PARN: variants seen among roughly 807,000 people sequenced by gnomAD.
PARN encodes poly(A)-specific ribonuclease PARN.
A neutral mutation model predicts 102.8 loss-of-function variants in PARN; 71 were observed. The observed-to-expected ratio is 0.69, with a 90% CI of 0.57 to 0.84. PARN has a LOEUF of 0.84. Among genes scored for constraint, PARN ranks in the 40% least tolerant of loss-of-function variants. The pLI is 0.00. For synonymous variants in PARN, 261 were observed against 252.9 expected (o/e 1.03, Z -0.30); for missense variants, 782 against 760.9 (o/e 1.03, Z -0.33).
At chr16:14,582,545 C>T (rs1969598302) in intron 16 of PARN, among the ~76,000 whole-genome samples, 2 of 152,044 alleles carry the variant, frequency 1.3e-5, no homozygotes, top group Non-Finnish European at 2.9e-5. Flanking sequence ...TTTCTCGTCC[C>T]ACACTGGTGG....
chr16:14,495,063 C>A (rs1964241572), intron 21 of PARN, among the ~76,000 whole-genome samples: 1 of 152,082 alleles, frequency 6.6e-6, no homozygotes, highest in African/African-American at 2.4e-5. Flanking sequence ...ACAGAAGCCT[C>A]CAGACTGAAC....
At chr16:14,588,595 A>G (rs1481631206) in intron 13 of PARN, among the ~76,000 whole-genome samples, 4 of 152,188 alleles carry the variant, frequency 2.6e-5, no homozygotes, top group Non-Finnish European at 5.9e-5. Context: ...AGATCAAAAA[A>G]GGCTGGGAGC....
At chr16:14,604,060 C>T in intron 11 of PARN, 86 bp downstream of exon 11, 1 of 838,552 alleles carries the variant, frequency 1.2e-6, no homozygotes, top group Non-Finnish European at 2.0e-6. Flanking sequence ...TAAATTGAAT[C>T]CAACATATGA....
At chr16:14,536,407 TTTAGTTTCTCAGTGGCCGA>T (rs1207760740) in intron 21 of PARN, among the ~76,000 whole-genome samples, 1 of 152,168 alleles carries the variant, frequency 6.6e-6, no homozygotes, top group Non-Finnish European at 1.5e-5. Flanking sequence ...GATCCTTATA[TTTAGTTTCTCAGTGGCCGA>T]AGAGCAAACT....
At chr16:14,618,126 G>A (rs887592262) in intron 5 of PARN, among the ~76,000 whole-genome samples, 1 of 152,066 alleles carries the variant, frequency 6.6e-6, no homozygotes, top group Non-Finnish European at 1.5e-5. Context: ...GTTCGAGACC[G>A]GCAGGTCAGA....
chr16:14,449,757 T>C (rs1567286002), intron 22 of PARN, among the ~76,000 whole-genome samples: 1 of 152,180 alleles, frequency 6.6e-6, no homozygotes, highest in Non-Finnish European at 1.5e-5. Context: ...CCATTCATAA[T>C]GCAAAATAAA....
At chr16:14,628,775 G>T (rs1334823708) in intron 2 of PARN, among the ~76,000 whole-genome samples, 1 of 152,134 alleles carries the variant, frequency 6.6e-6, no homozygotes, top group Non-Finnish European at 1.5e-5. Context: ...CCCCTGCATG[G>T]ATTCCTTCAT....
chr16:14,595,889 T>G (rs1828423979), intron 12 of PARN, among the ~76,000 whole-genome samples: 1 of 152,152 alleles, frequency 6.6e-6, no homozygotes, highest in African/African-American at 2.4e-5. Flanking sequence ...GGTCTTGAAC[T>G]ACTAGCCTGA....
At chr16:14,538,739 G>T (rs1246097295) in intron 21 of PARN, among the ~76,000 whole-genome samples, 1 of 152,170 alleles carries the variant, frequency 6.6e-6, no homozygotes, top group Non-Finnish European at 1.5e-5. Context: ...TCCCTGGCAT[G>T]TTAGGAACCA....
At chr16:14,483,628 T>A (rs1206042715) in intron 21 of PARN, among the ~76,000 whole-genome samples, 1 of 152,124 alleles carries the variant, frequency 6.6e-6, no homozygotes, top group African/African-American at 2.4e-5. Flanking sequence ...TCACGCAAAT[T>A]AAGATAAAGA....
At chr16:14,593,488 G>T in intron 12 of PARN, 110 bp from the exon 13 acceptor site, 8 of 54,058 alleles carry the variant, frequency 1.5e-4, no homozygotes, top group Admixed American at 3.2e-4. Context: ...TCGCTTTCCA[G>T]ACTTAAAAAA....
intron 21 of PARN, among the ~76,000 whole-genome samples, chr16:14,503,920 A>AC (rs1391308200): frequency 1.3e-5 from 2 of 152,200 alleles, no homozygotes; most frequent in Non-Finnish European, 1.5e-5. Context: ...CAAAGTAATG[A>AC]CCACCTACTC....
chr16:14,609,471 G>C (rs1035550978), intron 7 of PARN, among the ~76,000 whole-genome samples: 6 of 152,060 alleles, frequency 3.9e-5, no homozygotes, highest in African/African-American at 1.4e-4. Context: ...CTCCAGAAGC[G>C]GAGGTGGGAG....
At chr16:14,455,468 C>G (rs1451858420) in intron 22 of PARN, among the ~76,000 whole-genome samples, 1 of 152,118 alleles carries the variant, frequency 6.6e-6, no homozygotes, top group Non-Finnish European at 1.5e-5. Flanking sequence ...AGAACCGTAG[C>G]CTACATTAAA....
At chr16:14,506,571 T>A (rs1231478730) in intron 21 of PARN, among the ~76,000 whole-genome samples, 2 of 152,222 alleles carry the variant, frequency 1.3e-5, no homozygotes, top group East Asian at 3.8e-4. Flanking sequence ...AAAAAACAAA[T>A]ACATGTATAC....
At chr16:14,617,748 A>G in intron 5 of PARN, 98 bp from the exon 6 acceptor site, 1 of 762,784 alleles carries the variant, frequency 1.3e-6, no homozygotes. Context: ...CAAAGACAAT[A>G]TGGGAAGGAA....
At chr16:14,467,816 C>T (rs973310400) in intron 22 of PARN, among the ~76,000 whole-genome samples, 6 of 152,174 alleles carry the variant, frequency 3.9e-5, no homozygotes, top group African/African-American at 7.2e-5. Context: ...TGAAAACATT[C>T]CTAACACGAC....
intron 5 of PARN, among the ~76,000 whole-genome samples, chr16:14,621,827 T>G (rs1036984778): frequency 1.3e-5 from 2 of 150,946 alleles, no homozygotes; most frequent in Non-Finnish European, 3.0e-5. Flanking sequence ...AAAAAAACCT[T>G]TGAACTAACA....
In PARN at chr16:14,621,033, C is replaced by G. The variant is rs138427001; in HGVS notation, c.328-3383G>C. On this transcript the variant is annotated intron_variant, in intron 5 of 23. Transcript: ENST00000437198. ...GTGAGATATAAAAAGACAATCTGAA[C>G]ACAGAAAAACACACAAACAAATAGA... 1.3e-3 allele frequency among the ~76,000 whole-genome samples: 192 copies of G among 152,252 alleles called. 2 individuals are homozygous for G. The highest frequency in any genetic ancestry group is 4.2e-3 in the African/African-American group (176 of 41,544).
Sources: gnomAD v4.1 joint callset for allele counts (sites outside exome capture counted in the v4.1 genomes callset) on GRCh38, gnomAD v4.1.1 for gene constraint, MANE v1.5 for transcripts, NCBI Gene and HGNC (gene_info 2026-07-23, HGNC 2026-07-21) for gene names.